Variants in ATP6V0A4 observed in about 807,000 individuals in gnomAD.
ATP6V0A4 encodes the protein V-type proton ATPase 116 kDa subunit a 4.
In ATP6V0A4, 86 loss-of-function variants were observed where a neutral mutation model predicts 107.3. That is an observed-to-expected ratio of 0.80 (90% CI 0.67 to 0.96). The LOEUF (loss-of-function observed/expected upper bound fraction) is 0.96. ATP6V0A4 is among the 40% of genes least tolerant of loss of function. ATP6V0A4 has a pLI of 0.00. For missense variants in ATP6V0A4, 908 were observed against 1,045.6 expected, an observed-to-expected ratio of 0.87 and a Z score of 1.81; for synonymous variants, 353 against 381.4, an observed-to-expected ratio of 0.93 and a Z score of 0.87.
At chr7:138,722,573 C>A (rs1321746033) in intron 18 of ATP6V0A4, among the ~76,000 whole-genome samples, 2 of 148,556 alleles carry the variant, frequency 1.3e-5, no homozygotes, top group African/African-American at 5.0e-5. Context: ...CCTGGCACCC[C>A]GTCTCTATTA....
chr7:138,792,977 G>C (rs921357233), intron 1 of ATP6V0A4, among the ~76,000 whole-genome samples: 1 of 151,968 alleles, frequency 6.6e-6, no homozygotes, highest in Admixed American at 6.6e-5. Context: ...ACAAAGTAAA[G>C]TTTATGGCAA....
intron 19 of ATP6V0A4, among the ~76,000 whole-genome samples, chr7:138,718,414 G>T (rs1238173353): frequency 1.8e-5 from 2 of 113,454 alleles, no homozygotes; most frequent in African/African-American, 6.8e-5. Flanking sequence ...GAAGGAAGGG[G>T]GGGCGTGCAG....
intron 5 of ATP6V0A4, 24 bp downstream of exon 5, chr7:138,768,756 A>C (rs771019729): frequency 6.2e-7 from 1 of 1,613,378 alleles, no homozygotes; most frequent in Non-Finnish European, 8.5e-7. Flanking sequence ...TTACCTGGGG[A>C]GGCCAGCAAA....
chr7:138,733,235 C>T, intron 16 of ATP6V0A4, 142 bp from the exon 17 acceptor site: 9 of 1,394,874 alleles, frequency 6.5e-6, no homozygotes, highest in Non-Finnish European at 8.7e-6. Flanking sequence ...ACCCCCCACC[C>T]CCCCAGCAAA....
chr7:138,706,772 T>C (rs376502687), intron 21 of ATP6V0A4, 55 bp from the exon 22 acceptor site: 41 of 1,605,902 alleles, frequency 2.6e-5, no homozygotes, highest in Middle Eastern at 1.6e-4. Context: ...ACACATCAGT[T>C]AGAGGCTGGA....
intron 1 of ATP6V0A4, among the ~76,000 whole-genome samples, chr7:138,795,836 G>A (rs572271303): frequency 4.8e-4 from 73 of 151,696 alleles, no homozygotes; most frequent in African/African-American, 1.6e-3. Context: ...TGTTTGTTTT[G>A]CGGAGGCAGG....
At chr7:138,794,897 AT>A (rs34650343) in intron 1 of ATP6V0A4, among the ~76,000 whole-genome samples, 16,542 of 103,732 alleles carry the variant, frequency 0.16, 859 homozygotes, top group African/African-American at 0.19. Flanking sequence ...AGCCCACCCT[AT>A]TTTTTTTTTT....
Position 138,747,424 on chromosome 7 carries a change from C to T in ATP6V0A4, c.1320+1G>A. ...GGGCAAGACGGTCAATGGACACTCA[C>T]CTCATTGTCTGTCTTCTGGGAGAGC... On this transcript the variant is annotated splice_donor_variant, in intron 13 of 21. Transcript: ENST00000310018. LOFTEE classifies it high-confidence loss of function. The T allele has an allele frequency of 2.5e-6, 4 of 1,614,072 alleles. No homozygotes were observed. Among genetic ancestry groups the T allele is most frequent in the Non-Finnish European group, 3.4e-6 (4 of 1,179,926 alleles).
chr7:138,791,054 G>A (rs10248113), intron 1 of ATP6V0A4, among the ~76,000 whole-genome samples: 15,001 of 152,090 alleles, frequency 0.099, 1,614 homozygotes, highest in African/African-American at 0.27. Context: ...AAAGAATGGC[G>A]AAGACTGAGG....
chr7:138,717,851 T>A (rs1309198020), intron 19 of ATP6V0A4, among the ~76,000 whole-genome samples: 3 of 132,618 alleles, frequency 2.3e-5, no homozygotes, highest in Non-Finnish European at 4.6e-5. Flanking sequence ...GAGGTTGCAG[T>A]GAGCTGAGAT....
chr7:138,718,583 G>GAGGAATGGGA (rs1804250665), intron 19 of ATP6V0A4, among the ~76,000 whole-genome samples: 1 of 100,434 alleles, frequency 1.0e-5, no homozygotes, highest in Non-Finnish European at 2.0e-5. Flanking sequence ...GAGGCATGGG[G>GAGGAATGGGA]CGGAATGGGG....
chr7:138,734,333 T>C (rs1203315416), intron 15 of ATP6V0A4, 79 bp from the exon 16 acceptor site: 1 of 1,604,316 alleles, frequency 6.2e-7, no homozygotes, highest in East Asian at 2.2e-5. Context: ...ACAGCACAAC[T>C]TTCCCTAAGC....
intron 11 of ATP6V0A4, 102 bp downstream of exon 11, chr7:138,752,523 C>T (rs2117290653): frequency 6.9e-7 from 1 of 1,439,882 alleles, no homozygotes. Context: ...AATCCTACCA[C>T]CAAGTCACTT....
chr7:138,721,886 G>C lies in ATP6V0A4; in HGVS notation c.2139+11C>G. 6.2e-7 allele frequency: 1 copy of C among 1,613,822 alleles called. No individual in the cohort carries two copies. The highest frequency in any genetic ancestry group is 8.5e-7 in the Non-Finnish European group (1 of 1,179,884). The stretch of plus-strand genomic sequence containing the variant: ...TGGGGAGTCTTCCTCAGGGGCTCTC[G>C]TCCCAGATACCTCTTCTCCATGGTC... On this transcript the variant is annotated intron_variant, in intron 19 of 21. Transcript: ENST00000310018.
chr7:138,780,579 T>G (rs2130184697), intron 2 of ATP6V0A4, among the ~76,000 whole-genome samples: 1 of 152,268 alleles, frequency 6.6e-6, no homozygotes, highest in East Asian at 1.9e-4. Flanking sequence ...AACAGCCAGG[T>G]TGGCCTTGGT....
chr7:138,774,757 T>C (rs138514360), intron 2 of ATP6V0A4, among the ~76,000 whole-genome samples: 1,559 of 150,806 alleles, frequency 0.01, 35 homozygotes, highest in African/African-American at 0.035. Flanking sequence ...AAAATAGTTT[T>C]GGAAAATAAA....
chr7:138,770,051 AAAC>A (rs1021826127), intron 3 of ATP6V0A4, among the ~76,000 whole-genome samples: 8 of 152,300 alleles, frequency 5.3e-5, no homozygotes, highest in South Asian at 2.1e-4. Flanking sequence ...ACCCTGTCTC[AAAC>A]AACAACAACA....
At position 138,721,891 on chromosome 7, in the gene ATP6V0A4, A is replaced by G; in HGVS notation, c.2139+6T>C. 2.5e-6 allele frequency: 4 copies of G among 1,614,012 alleles called. No homozygotes were observed. The highest frequency in any genetic ancestry group is 3.4e-6 in the Non-Finnish European group (4 of 1,179,952). Reference sequence around the variant, plus strand: ...AGTCTTCCTCAGGGGCTCTCGTCCCAGATACCTCTTCTCCATGGTCGTCCA... The same window carrying G: ...AGTCTTCCTCAGGGGCTCTCGTCCCGGATACCTCTTCTCCATGGTCGTCCA... On this transcript the variant is annotated splice_donor_region_variant and intron_variant, in intron 19 of 21. Coordinates refer to ENST00000310018, the MANE Select transcript of ATP6V0A4 (RefSeq NM_020632.3).
intron 17 of ATP6V0A4, among the ~76,000 whole-genome samples, chr7:138,730,632 G>C (rs533053038): frequency 5.8e-4 from 88 of 152,312 alleles, no homozygotes; most frequent in African/African-American, 2.0e-3. Flanking sequence ...TCCAGACTAA[G>C]TGAGGACTTC....
Sources: gnomAD v4.1 joint callset for allele counts (sites outside exome capture counted in the v4.1 genomes callset) on GRCh38, gnomAD v4.1.1 for gene constraint, MANE v1.5 for transcripts, NCBI Gene and HGNC (gene_info 2026-07-23, HGNC 2026-07-21) for gene names.